TDRD6: variants seen among roughly 807,000 people sequenced by gnomAD.
TDRD6 encodes tudor domain-containing protein 6.
TDRD6 carries 186 observed loss-of-function variants against 157.5 expected under a neutral mutation model. The observed-to-expected ratio is 1.18, with a 90% CI of 1.05 to 1.33. The LOEUF is 1.33. Ranked by LOEUF, TDRD6 falls within the 40% of genes most tolerant of loss-of-function variation. The probability of loss-of-function intolerance (pLI) is 0.00; values close to 1 mark genes in which losing one functional copy is unlikely to be tolerated. For synonymous variants in TDRD6, 1,075 were observed against 945.2 expected (o/e 1.14, Z -2.52); for missense variants, 3,066 against 2,508.0 (o/e 1.22, Z -4.75).
rs372190330 is a variant in TDRD6, at chr6:46,691,085, G to A, written c.2957G>A (p.Ser986Asn). The A allele has an allele frequency of 6.2e-7, 1 of 1,613,886 alleles. No individual in the cohort carries two copies. The highest frequency in any genetic ancestry group is 8.5e-7 in the Non-Finnish European group (1 of 1,179,902). The change falls in exon 1 of 4, where the codon AGT (serine) becomes AAT (asparagine). Residue 986 changes from serine (S) to asparagine (N), a missense_variant. By Grantham distance (46) the Ser-to-Asn change is conservative. Transcript: ENST00000316081. ...TCTACACATGATATGAAAATTGGAA[G>A]TGAAGAATTAGTTTATATAACGCAT... Reference protein sequence around the residue: ...FYSTHDMKIGSEELVYITHID... With the variant: ...FYSTHDMKIGNEELVYITHID...
At chr6:46,696,468 A>ATG (rs66827473) in intron 2 of TDRD6, among the ~76,000 whole-genome samples, 54,798 of 112,674 alleles carry the variant, frequency 0.49, 11,660 homozygotes, top group East Asian at 0.62. Context: ...ATATATGTAT[A>ATG]TGTGTGTATA....
Position 46,693,042 on chromosome 6 carries a change from G to GT in TDRD6, c.4917dup (p.Asn1640Ter), listed in dbSNP as rs1317653930. ...AAGCCTTTCCATGTTGCCTCTCAGG[G>GT]TTTAACATTTCAGAAGGATTATGTT... On this transcript the variant is annotated frameshift_variant, in exon 1 of 4. Transcript: ENST00000316081. LOFTEE classifies it high-confidence loss of function. 6.2e-7 allele frequency: 1 copy of GT among 1,613,794 alleles called. No individual in the cohort carries two copies. The highest frequency in any genetic ancestry group is 1.1e-5 in the South Asian group (1 of 91,010).
chr6:46,693,159 C>G lies in TDRD6; in HGVS notation c.5031C>G (p.Ile1677Met). Residue 1677 changes from isoleucine (I) to methionine (M), a missense_variant, in exon 1 of 4, where the codon ATC becomes ATG. Ile to Met is a conservative substitution (Grantham distance 10, BLOSUM62 1). Coordinates refer to ENST00000316081, the MANE Select transcript of TDRD6 (RefSeq NM_001010870.3). ...AAATCAGAAGGGATGTTTGTGATAT[C>G]CCTTTAGCAATTGTTGACTTGAAAA... Reference protein sequence around the residue: ...ILEIRRDVCDIPLAIVDLKSK... With the variant: ...ILEIRRDVCDMPLAIVDLKSK... 15 of 1,609,584 alleles carry G rather than the reference C, an allele frequency of 9.3e-6. No individual in the cohort carries two copies. The highest frequency in any genetic ancestry group is 1.2e-5 in the Non-Finnish European group (14 of 1,178,252).
chr6:46,681,842 C>T, the TDRD6 span, among the ~76,000 whole-genome samples: 2 of 151,980 alleles, frequency 1.3e-5, no homozygotes, highest in South Asian at 2.1e-4. Context: ...TGAATACATA[C>T]ATGATTCTAC....
chr6:46,699,269 TG>T (rs1764567169), intron 3 of TDRD6, among the ~76,000 whole-genome samples: 1 of 152,218 alleles, frequency 6.6e-6, no homozygotes, highest in African/African-American at 2.4e-5. Context: ...CACACAGTTC[TG>T]TTTGCCCGTA....
Position 46,689,444 on chromosome 6 carries a change from C to T in TDRD6, c.1316C>T (p.Ser439Leu). The T allele has an allele frequency of 6.2e-7, 1 of 1,613,330 alleles. No homozygotes were observed. The highest frequency in any genetic ancestry group is 1.1e-5 in the South Asian group (1 of 91,062). Reference protein sequence around the residue: ...INLNRVFGVQSCCLADRVLQS... With the variant: ...INLNRVFGVQLCCLADRVLQS... ...CTGAACCGTGTGTTTGGAGTACAGT[C>T]GTGTTGCTTGGCTGACCGAGTCCTT... Residue 439 changes from serine (S) to leucine (L), a missense_variant, in exon 1 of 4, where the codon TCG (serine) becomes TTG (leucine). By Grantham distance (145) the Ser-to-Leu change is moderately radical. Transcript: ENST00000316081.
In TDRD6 at chr6:46,690,676, A is replaced by G; in HGVS notation, c.2548A>G (p.Thr850Ala). 2.5e-6 allele frequency: 4 copies of G among 1,614,196 alleles called. No individual in the cohort carries two copies. The highest frequency in any genetic ancestry group is 3.4e-6 in the Non-Finnish European group (4 of 1,180,014). Residue 850 changes from threonine to alanine, a missense_variant, in exon 1 of 4, where the codon ACA becomes GCA. Thr to Ala is a moderately conservative substitution (Grantham distance 58, BLOSUM62 0). Transcript: ENST00000316081. The stretch of plus-strand genomic sequence containing the variant: ...ACAGTCTGTGGAGCATGTCAATGTA[A>G]CATTTGTAGATTATGGAGACAGAGA... ...GIQSVEHVNVTFVDYGDREMV... is the reference protein window; with the variant it reads ...GIQSVEHVNVAFVDYGDREMV...
rs1764380430 is a variant in TDRD6, at chr6:46,692,903, T to G, written c.4775T>G (p.Ile1592Ser). 1 of 1,614,012 alleles carries G rather than the reference T, an allele frequency of 6.2e-7. No homozygotes were observed. Among genetic ancestry groups the G allele is most frequent in the African/African-American group, 1.3e-5 (1 of 74,916 alleles). Reference protein sequence around the residue: ...GHYYRALITNICEDYLVSVRL... With the variant: ...GHYYRALITNSCEDYLVSVRL... Reference sequence around the variant, plus strand: ...TATTATAGGGCACTTATCACTAATATTTGTGAAGATTATCTTGTATCTGTC... The same window carrying G: ...TATTATAGGGCACTTATCACTAATAGTTGTGAAGATTATCTTGTATCTGTC... Residue 1592 changes from isoleucine to serine, a missense_variant, in exon 1 of 4, where the codon ATT (isoleucine) becomes AGT (serine). Transcript: ENST00000316081.
chr6:46,687,041 T>A (rs1173255508), upstream of TDRD6, among the ~76,000 whole-genome samples: 9 of 152,208 alleles, frequency 5.9e-5, no homozygotes, highest in Admixed American at 5.9e-4. Flanking sequence ...CACGGATGTG[T>A]CTAACTTTGC....
chr6:46,693,368 CAGAT>C lies in TDRD6; in HGVS notation c.5241_5244del (p.Asp1748SerfsTer5). 1 of 1,610,836 alleles carries C rather than the reference CAGAT, an allele frequency of 6.2e-7. No homozygotes were observed. Among genetic ancestry groups the C allele is most frequent in the South Asian group, 1.1e-5 (1 of 90,530 alleles). On this transcript the variant is annotated frameshift_variant, in exon 1 of 4. Coordinates refer to ENST00000316081, the MANE Select transcript of TDRD6 (RefSeq NM_001010870.3). LOFTEE classifies it high-confidence loss of function. ...AATAAAATATATATGGAACAACAGA[CAGAT>C]GAGCTTGCTGAAATAACTGAAAAAG...
chr6:46,695,809 T>C lies in TDRD6; in HGVS notation c.6047-12T>C, dbSNP rs767682003. The C allele has an allele frequency of 4.3e-6, 7 of 1,610,926 alleles. No individual in the cohort carries two copies. In the Admixed American group the frequency reaches 1.2e-4, roughly 27 times the overall value. On this transcript the variant is annotated splice_polypyrimidine_tract_variant and intron_variant, in intron 1 of 3. Transcript: ENST00000316081. ...AGATATGCATTGAGTCTTACTCAATTCAATTTGGCAGCTCAACTACAGAAC... is the reference window on the plus strand; with the variant it reads ...AGATATGCATTGAGTCTTACTCAATCCAATTTGGCAGCTCAACTACAGAAC...
upstream of TDRD6, among the ~76,000 whole-genome samples, chr6:46,685,667 A>G (rs1364783542): frequency 3.3e-5 from 5 of 152,146 alleles, no homozygotes; most frequent in African/African-American, 1.2e-4. Flanking sequence ...CCTAATGTAG[A>G]TGATGGGTTG....
At chr6:46,700,717 A>G (rs890891988) in intron 3 of TDRD6, among the ~76,000 whole-genome samples, 2 of 152,092 alleles carry the variant, frequency 1.3e-5, no homozygotes, top group African/African-American at 4.8e-5. Flanking sequence ...TCCTTCACCA[A>G]TTACCAGAGT....
chr6:46,695,247 A>T (rs1295205656), intron 1 of TDRD6, among the ~76,000 whole-genome samples: 2 of 152,108 alleles, frequency 1.3e-5, no homozygotes. Flanking sequence ...GTCTTTGTGT[A>T]TGTCTACTAT....
At chr6:46,695,797 G>T (rs1378907813) in intron 1 of TDRD6, 24 bp from the exon 2 acceptor site, 1 of 1,609,356 alleles carries the variant, frequency 6.2e-7, no homozygotes, top group African/African-American at 1.3e-5. Flanking sequence ...TATGCATTGA[G>T]TCTTACTCAA....
At position 46,691,030 on chromosome 6, in the gene TDRD6, T is replaced by A. The variant is rs759486268; in HGVS notation, c.2902T>A (p.Ser968Thr). ...AGTAAAACTTCAGAAGCCTTTGGAG[T>A]CCTCTGTTCAGCTACATTCCTACTT... ...RPVKLQKPLE[S>T]SVQLHSYFYS... Residue 968 changes from serine to threonine, a missense_variant, in exon 1 of 4, where the codon TCC (serine) becomes ACC (threonine). Physicochemically the swap from Ser to Thr is moderately conservative, Grantham distance 58 (BLOSUM62 1). Transcript: ENST00000316081. 6.2e-7 allele frequency: 1 copy of A among 1,613,268 alleles called. No homozygotes were observed. The highest frequency in any genetic ancestry group is 8.5e-7 in the Non-Finnish European group (1 of 1,179,750).
Position 46,692,511 on chromosome 6 carries a change from T to C in TDRD6, c.4383T>C (p.Ile1461=). Residue 1461 remains isoleucine, a synonymous_variant, in exon 1 of 4, where the codon ATT becomes ATC. Transcript: ENST00000316081. ...FVKFQDRWEV[I]LADEHGIIAD... ...AATTTCAAGACAGATGGGAAGTTATTCTTGCTGATGAACATGGGATCATAG... is the reference window on the plus strand; with the variant it reads ...AATTTCAAGACAGATGGGAAGTTATCCTTGCTGATGAACATGGGATCATAG... 1 of 1,613,816 alleles carries C rather than the reference T, an allele frequency of 6.2e-7. No individual in the cohort carries two copies. Among genetic ancestry groups the C allele is most frequent in the South Asian group, 1.1e-5 (1 of 91,080 alleles).
At position 46,702,030 on chromosome 6, in the gene TDRD6, A is replaced by G; in HGVS notation, c.*143A>G. 2 of 841,748 alleles carry G rather than the reference A, an allele frequency of 2.4e-6. No individual in the cohort carries two copies. The highest frequency in any genetic ancestry group is 3.5e-5 in the South Asian group (2 of 57,360). 52.1% of individuals were successfully genotyped at this position (841,748 alleles called of 1,614,324 possible). A position where few individuals can be genotyped will look rare whatever the true frequency, so the allele number is the denominator to read the frequency against. ...TTTTCAAAAACTTCTATATAGGTGGAAAACAAATTAGGTCTCAGGTTGATG... is the reference window on the plus strand; with the variant it reads ...TTTTCAAAAACTTCTATATAGGTGGGAAACAAATTAGGTCTCAGGTTGATG... On this transcript the variant is annotated 3_prime_UTR_variant, in exon 4 of 4. Coordinates refer to ENST00000316081, the MANE Select transcript of TDRD6 (RefSeq NM_001010870.3).
At chr6:46,686,421 G>C (rs1397172897), upstream of TDRD6, among the ~76,000 whole-genome samples, 2 of 147,712 alleles carry the variant, frequency 1.4e-5, no homozygotes, top group African/African-American at 5.0e-5. Context: ...CTGCTTTTAA[G>C]ATGTTCCTAC....
Sources: allele counts gnomAD v4.1 joint callset (sites outside exome capture counted in the v4.1 genomes callset), GRCh38; gene constraint gnomAD v4.1.1; transcripts MANE v1.5; gene names NCBI Gene and HGNC (gene_info 2026-07-23, HGNC 2026-07-21).